The following PTPN2 variants were observed in gnomAD, a reference collection of about 807,000 sequenced individuals.
The protein encoded by PTPN2 is protein tyrosine phosphatase non-receptor type 2, also known as tyrosine-protein phosphatase non-receptor type 2.
A neutral mutation model predicts 57.3 loss-of-function variants in PTPN2; 19 were observed. The observed-to-expected ratio is 0.33, with a 90% CI of 0.23 to 0.49. The LOEUF is 0.49. Among genes scored for constraint, PTPN2 ranks in the 20% least tolerant of loss-of-function variants. The pLI, the probability that PTPN2 is intolerant of heterozygous loss-of-function variation, is 0.99. For missense variants in PTPN2, 358 were observed against 501.1 expected (o/e 0.71, Z 2.73); for synonymous variants, 153 against 164.9 (o/e 0.93, Z 0.55).
At chr18:12,801,544 A>G (rs757788430) in intron 8 of PTPN2, among the ~76,000 whole-genome samples, 2 of 152,114 alleles carry the variant, frequency 1.3e-5, no homozygotes, top group Admixed American at 6.5e-5. Context: ...ATTATTTCAT[A>G]TATCATATCC....
chr18:12,871,753 T>C (rs1416619790), intron 1 of PTPN2, among the ~76,000 whole-genome samples: 2 of 152,314 alleles, frequency 1.3e-5, no homozygotes, highest in East Asian at 1.9e-4. Flanking sequence ...GACTTTACTG[T>C]AGTATAAAGA....
chr18:12,858,574 T>C (rs569514655), intron 2 of PTPN2, among the ~76,000 whole-genome samples: 2 of 152,274 alleles, frequency 1.3e-5, no homozygotes, highest in South Asian at 2.1e-4. Flanking sequence ...AAAAAAAGTT[T>C]ACAATGTACT....
chr18:12,797,880 C>T (rs999976447), intron 8 of PTPN2, among the ~76,000 whole-genome samples: 1 of 152,032 alleles, frequency 6.6e-6, no homozygotes, highest in African/African-American at 2.4e-5. Context: ...GCAGGTCCCA[C>T]CACATTTGGC....
chr18:12,856,696 G>A (rs529393884), intron 2 of PTPN2, among the ~76,000 whole-genome samples: 16 of 152,162 alleles, frequency 1.1e-4, no homozygotes, highest in Non-Finnish European at 2.1e-4. Flanking sequence ...TTTTATTGAT[G>A]TATATACTTG....
intron 6 of PTPN2, among the ~76,000 whole-genome samples, chr18:12,815,190 G>T (rs1257146290): frequency 1.3e-5 from 2 of 151,914 alleles, no homozygotes; most frequent in African/African-American, 4.8e-5. Flanking sequence ...AAGGTGGGCA[G>T]ATTATGAGGT....
At chr18:12,874,367 G>A (rs1179287344) in intron 1 of PTPN2, among the ~76,000 whole-genome samples, 2 of 140,778 alleles carry the variant, frequency 1.4e-5, no homozygotes, top group South Asian at 2.3e-4. Context: ...CTGCCCGGCC[G>A]CCCCTACTGG....
intron 2 of PTPN2, among the ~76,000 whole-genome samples, chr18:12,839,064 A>G (rs1241649669): frequency 3.9e-5 from 6 of 152,064 alleles, no homozygotes; most frequent in Admixed American, 3.3e-4. Flanking sequence ...AGAGAAAAAA[A>G]TAAAACACAT....
rs772328138 is a variant in PTPN2, at chr18:12,825,826, T to G, written c.479A>C (p.Gln160Pro). The G allele has an allele frequency of 6.2e-7, 1 of 1,606,740 alleles. No individual in the cohort carries two copies. The highest frequency in any genetic ancestry group is 8.5e-7 in the Non-Finnish European group (1 of 1,177,360). Residue 160 changes from glutamine to proline, a missense_variant, in exon 5 of 9, where the codon CAA becomes CCA. Physicochemically the swap from Gln to Pro is moderately conservative, Grantham distance 76 (BLOSUM62 -1). This residue lies in a region of PTPN2 where 193 missense variants were observed against 315.4 expected (regional missense o/e 0.61). Coordinates refer to ENST00000309660, the MANE Select transcript of PTPN2 (RefSeq NM_002828.4). ...AGGTCTTACATTGATATTTTCTAATTGTAGTAGATGTACTGTATAATACGA... is the reference window on the plus strand; with the variant it reads ...AGGTCTTACATTGATATTTTCTAATGGTAGTAGATGTACTGTATAATACGA... ...VKSYYTVHLLQLENINSGETR... is the reference protein window; with the variant it reads ...VKSYYTVHLLPLENINSGETR...
At chr18:12,870,463 A>C (rs1416161122) in intron 1 of PTPN2, among the ~76,000 whole-genome samples, 1 of 53,296 alleles carries the variant, frequency 1.9e-5, no homozygotes, top group African/African-American at 2.0e-4. Flanking sequence ...ATATATATAT[A>C]GAGAGAGAGA....
At chr18:12,845,013 G>T (rs918242210) in intron 2 of PTPN2, among the ~76,000 whole-genome samples, 16 of 152,132 alleles carry the variant, frequency 1.1e-4, no homozygotes, top group African/African-American at 3.9e-4. Flanking sequence ...ACTGACTTAT[G>T]TATTTATCCC....
At chr18:12,883,376 G>A (rs1233478323) in intron 1 of PTPN2, among the ~76,000 whole-genome samples, 1 of 152,212 alleles carries the variant, frequency 6.6e-6, no homozygotes, top group Non-Finnish European at 1.5e-5. Flanking sequence ...GCTGGGCCAC[G>A]GGGGAAAATG....
At chr18:12,812,957 TC>T (rs1444786918) in intron 7 of PTPN2, among the ~76,000 whole-genome samples, 1 of 151,666 alleles carries the variant, frequency 6.6e-6, no homozygotes, top group African/African-American at 2.4e-5. Context: ...AAAACTCATC[TC>T]TGTGATAAAA....
At position 12,825,966 on chromosome 18, in the gene PTPN2, T is replaced by C. The variant is rs566540179; in HGVS notation, c.361-22A>G. The C allele has an allele frequency of 5.7e-5, 89 of 1,566,994 alleles. No individual in the cohort carries two copies. In the South Asian group the frequency reaches 1.0e-3, roughly 18 times the overall value. Reference sequence around the variant, plus strand: ...TAACCTAAATTTAGAAATATGTATATGATTTTTTTTTAGTTTATAGACATC... The same window carrying C: ...TAACCTAAATTTAGAAATATGTATACGATTTTTTTTTAGTTTATAGACATC... On this transcript the variant is annotated intron_variant, in intron 4 of 8. Coordinates refer to ENST00000309660, the MANE Select transcript of PTPN2 (RefSeq NM_002828.4).
intron 3 of PTPN2, among the ~76,000 whole-genome samples, chr18:12,835,382 C>CTTTCTTTTTTTTTTTTTTTT (rs2042821259): frequency 1.0e-5 from 1 of 99,030 alleles, no homozygotes; most frequent in African/African-American, 4.2e-5. Flanking sequence ...TCACATATGT[C>CTTTCTTTTTTTTTTTTTTTT]TTTTTTTTTT....
intron 1 of PTPN2, among the ~76,000 whole-genome samples, chr18:12,881,951 G>C (rs986703268): frequency 6.6e-6 from 1 of 152,152 alleles, no homozygotes; most frequent in Non-Finnish European, 1.5e-5. Flanking sequence ...ATGAACGAAT[G>C]AATGAAAATA....
intron 2 of PTPN2, among the ~76,000 whole-genome samples, chr18:12,853,307 G>A (rs1402994233): frequency 6.6e-6 from 1 of 152,022 alleles, no homozygotes; most frequent in African/African-American, 2.4e-5. Context: ...GCATCACCAC[G>A]TCCCAGCTAA....
intron 1 of PTPN2, among the ~76,000 whole-genome samples, chr18:12,875,694 C>A (rs1034478091): frequency 2.0e-4 from 30 of 152,168 alleles, no homozygotes; most frequent in Admixed American, 2.0e-3. Flanking sequence ...GAAGAGCACA[C>A]TATGTTAATT....
downstream of PTPN2, among the ~76,000 whole-genome samples, chr18:12,788,431 G>GGTTTTTTT (rs2040898140): frequency 6.3e-5 from 1 of 15,980 alleles, no homozygotes; most frequent in Admixed American, 7.3e-4. Context: ...GGGGATCAGG[G>GGTTTTTTT]CTTTTTTTTT....
At chr18:12,864,966 C>A (rs1341424315) in intron 1 of PTPN2, among the ~76,000 whole-genome samples, 1 of 65,006 alleles carries the variant, frequency 1.5e-5, no homozygotes, top group Non-Finnish European at 5.0e-5. Context: ...TGTTTAAATA[C>A]AGGGACTCTC....
Sources: allele counts gnomAD v4.1 joint callset (sites outside exome capture counted in the v4.1 genomes callset), GRCh38; gene constraint gnomAD v4.1.1; regional missense constraint gnomAD v4.1.1; transcripts MANE v1.5; gene names NCBI Gene and HGNC (gene_info 2026-07-23, HGNC 2026-07-21).